MBD2: variants seen among roughly 807,000 people sequenced by gnomAD.
MBD2 encodes methyl-CpG binding domain protein 2, also known as methyl-CpG-binding domain protein 2.
In MBD2, 9 loss-of-function variants were observed where a neutral mutation model predicts 39.3. The ratio of observed to expected loss-of-function variants is 0.23; its 90% CI spans 0.14 to 0.40. The LOEUF (loss-of-function observed/expected upper bound fraction) is 0.40, where lower values mean the gene tolerates loss of function less well. MBD2 is among the 10% of genes least tolerant of loss of function. The pLI is 1.00. For missense variants in MBD2, 458 were observed against 532.6 expected, an observed-to-expected ratio of 0.86 and a Z score of 1.38; for synonymous variants, 233 against 211.1, an observed-to-expected ratio of 1.10 and a Z score of -0.90.
chr18:54,202,888 G>A, intron 2 of MBD2: 1 of 1,203,330 alleles, frequency 8.3e-7, no homozygotes, highest in Non-Finnish European at 1.2e-6. Context: ...CAAAGCACCA[G>A]GGAAGCATTA....
chr18:54,160,441 A>G (rs2086087931), intron 5 of MBD2, among the ~76,000 whole-genome samples: 1 of 151,996 alleles, frequency 6.6e-6, no homozygotes, highest in Admixed American at 6.6e-5. Context: ...CCAAGACTAC[A>G]TGATCCTGCA....
At chr18:54,210,866 ATTTTTTT>A (rs74180457) in intron 1 of MBD2, among the ~76,000 whole-genome samples, 44 of 99,360 alleles carry the variant, frequency 4.4e-4, no homozygotes, top group South Asian at 3.8e-3. Context: ...TCAACTTTCT[ATTTTTTT>A]TTTTTTTTTT....
At chr18:54,186,912 AC>A (rs1287720650) in intron 3 of MBD2, among the ~76,000 whole-genome samples, 4 of 152,206 alleles carry the variant, frequency 2.6e-5, no homozygotes, top group Admixed American at 6.5e-5. Flanking sequence ...TTGGACACAT[AC>A]CTTTCATTTG....
intron 3 of MBD2, among the ~76,000 whole-genome samples, chr18:54,183,607 T>C (rs529744760): frequency 3.3e-5 from 5 of 152,326 alleles, no homozygotes; most frequent in Admixed American, 3.3e-4. Context: ...ACATCAGCAA[T>C]TCTGAAAAGA....
chr18:54,181,037 G>C (rs1176121301), intron 3 of MBD2, among the ~76,000 whole-genome samples: 1 of 151,368 alleles, frequency 6.6e-6, no homozygotes, highest in South Asian at 2.1e-4. Flanking sequence ...GGGACTACAG[G>C]CACGCGCCAC....
At chr18:54,191,998 A>G (rs936313119) in intron 2 of MBD2, among the ~76,000 whole-genome samples, 1 of 152,250 alleles carries the variant, frequency 6.6e-6, no homozygotes, top group South Asian at 2.1e-4. Flanking sequence ...TGTGAGGCTC[A>G]GGAGTACGCA....
chr18:54,215,801 T>TTTTG (rs1163663127), intron 1 of MBD2, among the ~76,000 whole-genome samples: 5 of 147,760 alleles, frequency 3.4e-5, no homozygotes, highest in East Asian at 2.1e-4. Context: ...GCCTTTTTTT[T>TTTTG]TTTGTTTGTT....
chr18:54,187,443 T>C (rs544927011), intron 3 of MBD2, among the ~76,000 whole-genome samples: 1 of 152,328 alleles, frequency 6.6e-6, no homozygotes, highest in South Asian at 2.1e-4. Context: ...GGACAAGATG[T>C]TCAAGACTTT....
chr18:54,206,739 G>A (rs2086452634), intron 1 of MBD2, among the ~76,000 whole-genome samples: 1 of 151,818 alleles, frequency 6.6e-6, no homozygotes, highest in Non-Finnish European at 1.5e-5. Flanking sequence ...TCAGCAGGCA[G>A]ATGAAAATAA....
intron 2 of MBD2, chr18:54,202,978 G>A: frequency 1.0e-6 from 1 of 992,550 alleles, no homozygotes; most frequent in South Asian, 1.3e-5. Flanking sequence ...GGTCTTGGAT[G>A]AGTAGGAGTT....
chr18:54,221,375 G>A (rs1012218706), intron 1 of MBD2, among the ~76,000 whole-genome samples: 3 of 150,750 alleles, frequency 2.0e-5, no homozygotes, highest in African/African-American at 7.3e-5. Context: ...GGAGAATGGC[G>A]TGAACCCAGG....
chr18:54,180,947 A>C (rs2086247943), intron 3 of MBD2, among the ~76,000 whole-genome samples: 1 of 119,158 alleles, frequency 8.4e-6, no homozygotes, highest in African/African-American at 3.3e-5. Flanking sequence ...CTCATTCTGG[A>C]GTGCAGTGGC....
At chr18:54,173,035 T>C (rs1217990674) in intron 3 of MBD2, among the ~76,000 whole-genome samples, 2 of 152,198 alleles carry the variant, frequency 1.3e-5, no homozygotes, top group East Asian at 3.8e-4. Flanking sequence ...TTATTAAAAT[T>C]AGGAAGTATA....
chr18:54,208,124 A>G (rs946905349), intron 1 of MBD2, among the ~76,000 whole-genome samples: 3 of 152,196 alleles, frequency 2.0e-5, no homozygotes, highest in Non-Finnish European at 4.4e-5. Context: ...TACTCAAGTT[A>G]TTGGTAAACG....
At chr18:54,206,121 G>A (rs1368858306) in intron 1 of MBD2, among the ~76,000 whole-genome samples, 1 of 152,152 alleles carries the variant, frequency 6.6e-6, no homozygotes, top group Non-Finnish European at 1.5e-5. Context: ...AAATATTTGT[G>A]AACATGCTTG....
At chr18:54,169,263 A>G (rs2086161285) in intron 3 of MBD2, among the ~76,000 whole-genome samples, 1 of 152,074 alleles carries the variant, frequency 6.6e-6, no homozygotes, top group African/African-American at 2.4e-5. Context: ...AATGTGCACT[A>G]TCGCCCTTTC....
chr18:54,198,979 T>G (rs1449825015), intron 2 of MBD2, among the ~76,000 whole-genome samples: 2 of 152,250 alleles, frequency 1.3e-5, no homozygotes, highest in Non-Finnish European at 2.9e-5. Context: ...TATGTGTACA[T>G]GTTTGTAAAT....
chr18:54,217,088 T>TCAAAA (rs1226894591), intron 1 of MBD2, among the ~76,000 whole-genome samples: 17 of 152,156 alleles, frequency 1.1e-4, no homozygotes, highest in Admixed American at 3.3e-4. Context: ...AAACTCCGTC[T>TCAAAA]CAAAACAAAA....
rs10558467 is a variant in MBD2 at position 54,205,957 on chromosome 18, T to TACACAC, written c.543-806_543-801dup. On this transcript the variant is annotated intron_variant, in intron 1 of 6. Coordinates refer to ENST00000256429, the MANE Select transcript of MBD2 (RefSeq NM_003927.5). ...GCAACCCTTGTTTAAAACACACACA[T>TACACAC]ACACACACACACACACACACACACA... Among the ~76,000 whole-genome samples, 665 of 145,960 alleles carry TACACAC rather than the reference T, an allele frequency of 4.6e-3. 8 individuals are homozygous for TACACAC. The highest frequency in any genetic ancestry group is 0.015 in the African/African-American group (587 of 40,138).
Sources: allele counts gnomAD v4.1 joint callset (sites outside exome capture counted in the v4.1 genomes callset), GRCh38; gene constraint gnomAD v4.1.1; transcripts MANE v1.5; gene names NCBI Gene and HGNC (gene_info 2026-07-23, HGNC 2026-07-21).